Variants in TRPC5 observed in about 807,000 individuals in gnomAD.
The protein encoded by TRPC5 is transient receptor potential cation channel subfamily C member 5.
A neutral mutation model predicts 56.5 loss-of-function variants in TRPC5; 9 were observed. The observed-to-expected ratio is 0.16, with a 90% CI of 0.10 to 0.28. The LOEUF is 0.28. TRPC5 is among the 10% of genes least tolerant of loss of function. TRPC5 has a pLI of 1.00. For synonymous variants in TRPC5, 282 were observed against 278.5 expected, an observed-to-expected ratio of 1.01 and a Z score of -0.13; for missense variants, 469 against 748.9, an observed-to-expected ratio of 0.63 and a Z score of 4.36.
chrX:111,987,311 G>C (rs1258875345), intron 1 of TRPC5, among the ~76,000 whole-genome samples: 1 of 111,455 alleles, frequency 9.0e-6, no homozygotes, highest in Non-Finnish European at 1.9e-5. Flanking sequence ...TAACATAACA[G>C]TCATCTCATA....
intron 3 of TRPC5, among the ~76,000 whole-genome samples, chrX:111,855,740 T>G (rs1315056936): frequency 8.9e-6 from 1 of 112,307 alleles, no homozygotes; most frequent in Non-Finnish European, 1.9e-5. Flanking sequence ...CTCTTTTTTT[T>G]GCCACAGTAG....
chrX:111,851,559 T>C (rs1390214148), intron 5 of TRPC5, among the ~76,000 whole-genome samples: 1 of 107,938 alleles, frequency 9.3e-6, no homozygotes, highest in Non-Finnish European at 1.9e-5. Context: ...ATTATCTGAA[T>C]TGGTAGAGAA....
intron 7 of TRPC5, among the ~76,000 whole-genome samples, chrX:111,783,332 C>T (rs953287306): frequency 1.8e-5 from 2 of 111,513 alleles, no homozygotes; most frequent in East Asian, 5.6e-4. Flanking sequence ...AGTGGTATTG[C>T]TGGATTGTGT....
chrX:111,799,685 C>G (rs1022320083), intron 7 of TRPC5, among the ~76,000 whole-genome samples: 1 of 111,392 alleles, frequency 9.0e-6, no homozygotes, highest in Admixed American at 9.6e-5. Context: ...CTAGAGAAAA[C>G]TGTGCCTAGA....
At chrX:111,873,888 A>G (rs1474439195) in intron 3 of TRPC5, among the ~76,000 whole-genome samples, 1 of 111,875 alleles carries the variant, frequency 8.9e-6, no homozygotes, top group Non-Finnish European at 1.9e-5. Flanking sequence ...TAAAGACATG[A>G]ATGCATCTTG....
chrX:111,968,813 TG>T (rs1446574533), intron 1 of TRPC5, among the ~76,000 whole-genome samples: 1 of 67,044 alleles, frequency 1.5e-5, no homozygotes, highest in Non-Finnish European at 2.5e-5. Flanking sequence ...CATCACACTC[TG>T]GGGACTGTTG....
intron 1 of TRPC5, among the ~76,000 whole-genome samples, chrX:112,017,918 T>C (rs1333496949): frequency 2.7e-5 from 3 of 112,230 alleles, no homozygotes; most frequent in Admixed American, 9.5e-5. Flanking sequence ...TGAAGTGAGA[T>C]ACATAGTAAG....
At chrX:111,963,760 G>T (rs748125163) in intron 1 of TRPC5, among the ~76,000 whole-genome samples, 1 of 111,952 alleles carries the variant, frequency 8.9e-6, no homozygotes, top group African/African-American at 3.3e-5. Context: ...TGCAGCTGAG[G>T]GACCTGTCTG....
At chrX:111,864,191 T>C (rs1923483415) in intron 3 of TRPC5, among the ~76,000 whole-genome samples, 2 of 110,744 alleles carry the variant, frequency 1.8e-5, no homozygotes, top group South Asian at 7.9e-4. Context: ...GGTTTCACCA[T>C]GTTAGCCAGG....
intron 7 of TRPC5, among the ~76,000 whole-genome samples, chrX:111,818,604 C>CTT (rs755881697): frequency 5.3e-5 from 5 of 93,590 alleles, no homozygotes; most frequent in Admixed American, 1.2e-4. Context: ...TTCTTTTTCT[C>CTT]TTTTTTTTTT....
At chrX:112,065,593 A>G (rs1407320833) in intron 1 of TRPC5, among the ~76,000 whole-genome samples, 1 of 112,296 alleles carries the variant, frequency 8.9e-6, no homozygotes, top group Non-Finnish European at 1.9e-5. Flanking sequence ...TGTCCTACTT[A>G]AAAGTTTGCT....
intron 5 of TRPC5, among the ~76,000 whole-genome samples, chrX:111,851,767 C>G (rs997899872): frequency 2.7e-5 from 3 of 111,225 alleles, no homozygotes; most frequent in Non-Finnish European, 5.7e-5. Flanking sequence ...AGAGACAACT[C>G]AGAGGGTTAG....
intron 2 of TRPC5, among the ~76,000 whole-genome samples, chrX:111,918,681 G>T (rs997728846): frequency 9.0e-6 from 1 of 111,568 alleles, no homozygotes; most frequent in Non-Finnish European, 1.9e-5. Flanking sequence ...TAAAAGTCTG[G>T]GAGGAAATGG....
chrX:111,777,063 C>T, intron 10 of TRPC5, 61 bp from the exon 11 acceptor site: 2 of 938,364 alleles, frequency 2.1e-6, no homozygotes, highest in South Asian at 7.0e-5. Flanking sequence ...AAAGTAGGCA[C>T]ATTAGATACC....
intron 3 of TRPC5, chrX:111,902,396 T>C (rs1463109298): frequency 3.5e-6 from 1 of 285,552 alleles, no homozygotes; most frequent in African/African-American, 2.8e-5. Flanking sequence ...AAGTTCTGTC[T>C]TTTGCCATGT....
At chrX:111,783,986 A>G (rs1945940223) in intron 7 of TRPC5, among the ~76,000 whole-genome samples, 1 of 111,685 alleles carries the variant, frequency 9.0e-6, no homozygotes, top group Non-Finnish European at 1.9e-5. Context: ...TTTTGAAAAT[A>G]TGAGTGAACA....
intron 2 of TRPC5, among the ~76,000 whole-genome samples, chrX:111,918,606 G>A (rs771839523): frequency 9.0e-6 from 1 of 111,126 alleles, no homozygotes; most frequent in East Asian, 2.9e-4. Context: ...CCAGACGTGA[G>A]AAGAAGTTGA....
In TRPC5 at chrX:111,967,291, C is replaced by T. The variant is rs1225408718; in HGVS notation, c.-21-14850G>A. 5.4e-5 allele frequency among the ~76,000 whole-genome samples: 6 copies of T among 110,894 alleles called. No homozygotes were observed. In the East Asian group the frequency reaches 1.7e-3, roughly 31 times the overall value. On this transcript the variant is annotated intron_variant, in intron 1 of 10. Transcript: ENST00000262839. ...TTACAAGGGATGTGAAGGACCTCTT[C>T]AAGGAGAACTACAAACCACTGCTCA...
At chrX:111,913,736 G>A (rs761934792) in intron 2 of TRPC5, among the ~76,000 whole-genome samples, 10 of 111,191 alleles carry the variant, frequency 9.0e-5, no homozygotes, top group Non-Finnish European at 1.3e-4. Flanking sequence ...CGAGGCGAGC[G>A]GATCATGAGG....
Sources: allele counts gnomAD v4.1 joint callset (sites outside exome capture counted in the v4.1 genomes callset), GRCh38; gene constraint gnomAD v4.1.1; transcripts MANE v1.5; gene names NCBI Gene and HGNC (gene_info 2026-07-23, HGNC 2026-07-21).